C5: variants seen among roughly 807,000 people sequenced by gnomAD.
The protein encoded by C5 is C3 and PZP-like alpha-2-macroglobulin domain-containing protein 4.
In C5, 140 loss-of-function variants were observed where a neutral mutation model predicts 218.8. The ratio of observed to expected loss-of-function variants is 0.64; its 90% CI spans 0.56 to 0.74. C5 has a LOEUF of 0.74. C5 is among the 30% of genes least tolerant of loss of function. The probability of loss-of-function intolerance (pLI) is 0.00; values close to 1 mark genes in which losing one functional copy is unlikely to be tolerated. For synonymous variants in C5, 614 were observed against 682.3 expected, an observed-to-expected ratio of 0.90 and a Z score of 1.56; for missense variants, 1,700 against 1,969.6, an observed-to-expected ratio of 0.86 and a Z score of 2.59.
chr9:121,055,321 T>C, the C5 span, among the ~76,000 whole-genome samples: 1 of 152,240 alleles, frequency 6.6e-6, no homozygotes, highest in East Asian at 1.9e-4. Context: ...TTTTTTCCTC[T>C]GTTAGCAAGT....
At chr9:121,069,989 C>T in the C5 span, among the ~76,000 whole-genome samples, 6 of 152,150 alleles carry the variant, frequency 3.9e-5, no homozygotes, top group African/African-American at 1.4e-4. Context: ...ACGTCTGCAT[C>T]CCCATGTTTA....
At chr9:121,039,060 A>G (rs1175372617) in intron 3 of C5, among the ~76,000 whole-genome samples, 3 of 152,200 alleles carry the variant, frequency 2.0e-5, no homozygotes, top group Non-Finnish European at 4.4e-5. Context: ...ACTTTTTAGT[A>G]TGACCCTGAG....
intron 34 of C5, among the ~76,000 whole-genome samples, chr9:120,963,230 C>T (rs1168530773): frequency 1.3e-5 from 2 of 152,126 alleles, no homozygotes; most frequent in Non-Finnish European, 2.9e-5. Context: ...CTGGCCAGGC[C>T]TGGTGGCTCA....
At chr9:121,036,924 G>A (rs2047531147) in intron 4 of C5, among the ~76,000 whole-genome samples, 1 of 151,432 alleles carries the variant, frequency 6.6e-6, no homozygotes, top group Admixed American at 6.6e-5. Flanking sequence ...AGCCTATATT[G>A]AAGGACCATT....
At chr9:120,976,559 G>T in intron 29 of C5, 141 bp downstream of exon 29, 1 of 762,196 alleles carries the variant, frequency 1.3e-6, no homozygotes. Flanking sequence ...CAGATAACCT[G>T]TAGGGGTCCT....
upstream of C5, among the ~76,000 whole-genome samples, chr9:121,052,417 A>G (rs2047676844): frequency 6.9e-6 from 1 of 145,906 alleles, no homozygotes; most frequent in Non-Finnish European, 1.5e-5. Flanking sequence ...ACGCCACCGC[A>G]CTCCAGCCTG....
upstream of C5, among the ~76,000 whole-genome samples, chr9:121,054,894 C>T (rs1339116718): frequency 1.3e-5 from 2 of 151,924 alleles, no homozygotes; most frequent in African/African-American, 4.8e-5. Flanking sequence ...TGCAAAGAGA[C>T]AGACGTTTGC....
Position 120,952,829 on chromosome 9 carries a change from G to A in C5, c.4941C>T (p.Tyr1647=), listed in dbSNP as rs1030615042. 1.2e-6 allele frequency: 2 copies of A among 1,613,820 alleles called. No homozygotes were observed. The highest frequency in any genetic ancestry group is 1.7e-6 in the Non-Finnish European group (2 of 1,179,756). ...ATGAACATGTTGTGTCTCTAGGCCAGTATTCAATCCAGGTCAAGGAATCTA... is the reference window on the plus strand; with the variant it reads ...ATGAACATGTTGTGTCTCTAGGCCAATATTCAATCCAGGTCAAGGAATCTA... ...YPLDSLTWIE[Y]WPRDTTCSSC... is the part of the protein sequence containing the mutation. The change falls in exon 41 of 41, where the codon TAC becomes TAT. Residue 1647 remains tyrosine (Y), a synonymous_variant. Transcript: ENST00000223642.
Position 121,023,724 on chromosome 9 carries a change from A to G in C5, c.1001-205T>C, listed in dbSNP as rs115791978. 2.6e-3 allele frequency among the ~76,000 whole-genome samples: 400 copies of G among 152,326 alleles called. 1 individual carries two copies. Among genetic ancestry groups the G allele is most frequent in the African/African-American group, 9.3e-3 (387 of 41,576 alleles). On this transcript the variant is annotated intron_variant, in intron 9 of 40. Transcript: ENST00000223642. Reference sequence around the variant, plus strand: ...AGAGTTTAGACCTCAGGAGTTTCCAAGGCCTTATGCACAAGCTCGTATGTA... The same window carrying G: ...AGAGTTTAGACCTCAGGAGTTTCCAGGGCCTTATGCACAAGCTCGTATGTA...
chr9:121,060,067 G>C, the C5 span, among the ~76,000 whole-genome samples: 1 of 152,196 alleles, frequency 6.6e-6, no homozygotes, highest in Non-Finnish European at 1.5e-5. Flanking sequence ...TTTTACACTA[G>C]ATTAGCTGTT....
rs1564165120 is a variant in C5 at position 121,043,122 on chromosome 9, A to G, written c.303T>C (p.Tyr101=). The stretch of plus-strand genomic sequence containing the variant: ...GCTTTGATACAACTTCCAAATACAC[A>G]TAAGAAACTGGGTTTTGTCCTCCAG... ...QLPGGQNPVS[Y]VYLEVVSKHF... The change falls in exon 3 of 41, where the codon TAT becomes TAC. Residue 101 remains tyrosine (Y), a synonymous_variant. Transcript: ENST00000223642. 5 of 1,613,432 alleles carry G rather than the reference A, an allele frequency of 3.1e-6. No individual in the cohort carries two copies. The highest frequency in any genetic ancestry group is 1.7e-5 in the Admixed American group (1 of 60,014).
chr9:120,969,814 C>T (rs1220227124), intron 32 of C5, among the ~76,000 whole-genome samples: 1 of 152,130 alleles, frequency 6.6e-6, no homozygotes, highest in African/African-American at 2.4e-5. Flanking sequence ...TTCAAGGTCC[C>T]AGATTGGAAG....
intron 29 of C5, among the ~76,000 whole-genome samples, chr9:120,975,522 G>A (rs2046946910): frequency 6.6e-6 from 1 of 152,184 alleles, no homozygotes; most frequent in Admixed American, 6.5e-5. Context: ...GTTAGGAGGT[G>A]AGGCCTAATG....
chr9:121,062,408 AGTGT>A, the C5 span, among the ~76,000 whole-genome samples: 15 of 152,310 alleles, frequency 9.8e-5, 1 homozygote, highest in African/African-American at 2.6e-4. Flanking sequence ...CATTAAACCA[AGTGT>A]GGGGCCCTTC....
chr9:121,016,372 G>A lies in C5; in HGVS notation c.1878C>T (p.Phe626=). ...AKKPLERVFQ[F]LEKSDLGCGA... Reference sequence around the variant, plus strand: ...CACAGCCCAGATCACTCTTCTCTAAGAATTGAAATACCTGTCCAGAAAGGC... The same window carrying A: ...CACAGCCCAGATCACTCTTCTCTAAAAATTGAAATACCTGTCCAGAAAGGC... Residue 626 remains phenylalanine (F), a synonymous_variant, in exon 15 of 41, where the codon TTC becomes TTT. Coordinates refer to ENST00000223642, the MANE Select transcript of C5 (RefSeq NM_001735.3). 1 of 1,613,978 alleles carries A rather than the reference G, an allele frequency of 6.2e-7. No individual in the cohort carries two copies. Among genetic ancestry groups the A allele is most frequent in the Non-Finnish European group, 8.5e-7 (1 of 1,179,882 alleles).
chr9:121,068,013 C>A, the C5 span, among the ~76,000 whole-genome samples: 1 of 152,050 alleles, frequency 6.6e-6, no homozygotes, highest in Non-Finnish European at 1.5e-5. Flanking sequence ...TATGAGAAGC[C>A]TGCAGCGCAC....
At chr9:121,007,571 C>T (rs915987780) in intron 18 of C5, among the ~76,000 whole-genome samples, 1 of 152,136 alleles carries the variant, frequency 6.6e-6, no homozygotes, top group Non-Finnish European at 1.5e-5. Flanking sequence ...TGCTTTCGTT[C>T]AACACATTTA....
At chr9:120,970,073 T>C in intron 32 of C5, 97 bp downstream of exon 32, 1 of 849,548 alleles carries the variant, frequency 1.2e-6, no homozygotes, top group South Asian at 1.5e-5. Context: ...AATTTCACTT[T>C]TTGAGTAAGC....
Position 120,989,617 on chromosome 9 carries a change from A to C in C5, c.3105T>G (p.His1035Gln). ...TCTGCTTTTCAATTAATGGGTCAGA[A>C]TGAAAAATGTTCCAATGATTTCCTG... ...LETGNHWNIF[H>Q]SDPLIEKQKL... is the part of the protein sequence containing the mutation. Residue 1035 changes from histidine to glutamine, a missense_variant, in exon 24 of 41, where the codon CAT becomes CAG. Physicochemically the swap from His to Gln is conservative, Grantham distance 24 (BLOSUM62 0). Transcript: ENST00000223642. 1 of 1,613,360 alleles carries C rather than the reference A, an allele frequency of 6.2e-7. No homozygotes were observed. Among genetic ancestry groups the C allele is most frequent in the Non-Finnish European group, 8.5e-7 (1 of 1,179,586 alleles).
Sources: allele counts gnomAD v4.1 joint callset (sites outside exome capture counted in the v4.1 genomes callset), GRCh38; gene constraint gnomAD v4.1.1; transcripts MANE v1.5; gene names NCBI Gene and HGNC (gene_info 2026-07-23, HGNC 2026-07-21).